SHISA9: variants seen among roughly 807,000 people sequenced by gnomAD.
The protein encoded by SHISA9 is shisa family member 9, also known as protein shisa-9.
Under a neutral mutation model 38.0 loss-of-function variants are expected in SHISA9, and 13 were observed. The ratio of observed to expected loss-of-function variants is 0.34; its 90% CI spans 0.22 to 0.54. The LOEUF is 0.54. Ranked by LOEUF, SHISA9 falls within the 20% of genes least tolerant of loss-of-function variation. The pLI is 0.91. For missense variants in SHISA9, 538 were observed against 575.8 expected (o/e 0.93, Z 0.67); for synonymous variants, 275 against 242.0 (o/e 1.14, Z -1.27).
chr16:13,150,028 A>AT (rs1387150079), intron 2 of SHISA9, among the ~76,000 whole-genome samples: 3 of 92,950 alleles, frequency 3.2e-5, no homozygotes, highest in Non-Finnish European at 4.5e-5. Context: ...CATCCTCATC[A>AT]TTAAAAAAAA....
chr16:12,945,752 T>A (rs994010024), intron 2 of SHISA9, among the ~76,000 whole-genome samples: 1 of 152,244 alleles, frequency 6.6e-6, no homozygotes, highest in African/African-American at 2.4e-5. Flanking sequence ...GTACTTGGCT[T>A]ATAATAAGAA....
the SHISA9 span, among the ~76,000 whole-genome samples, chr16:13,300,654 T>C: frequency 6.6e-6 from 1 of 152,128 alleles, no homozygotes; most frequent in East Asian, 1.9e-4. Flanking sequence ...CCCAGGGAAT[T>C]CTATTTGGAA....
At chr16:13,560,058 G>C in the SHISA9 span, among the ~76,000 whole-genome samples, 2 of 152,232 alleles carry the variant, frequency 1.3e-5, no homozygotes, top group African/African-American at 4.8e-5. Flanking sequence ...ATTGACTTGG[G>C]CAACAGAGAA....
intron 1 of SHISA9, among the ~76,000 whole-genome samples, chr16:12,913,072 A>G (rs1352144095): frequency 6.6e-6 from 1 of 152,148 alleles, no homozygotes; most frequent in Admixed American, 6.5e-5. Flanking sequence ...AAAAAAAAGT[A>G]TACAGTTCAG....
the SHISA9 span, among the ~76,000 whole-genome samples, chr16:13,561,520 G>C: frequency 6.6e-6 from 1 of 152,176 alleles, no homozygotes; most frequent in South Asian, 2.1e-4. Context: ...AGGAGGGAGA[G>C]GGTTTACAGC....
At chr16:13,187,860 G>A in intron 2 of SHISA9, among the ~76,000 whole-genome samples, 1 of 152,178 alleles carries the variant, frequency 6.6e-6, no homozygotes, top group East Asian at 1.9e-4. Flanking sequence ...ACCATGTGCA[G>A]CTTCAACCTA....
At chr16:13,389,629 C>G in the SHISA9 span, among the ~76,000 whole-genome samples, 928 of 152,250 alleles carry the variant, frequency 6.1e-3, 15 homozygotes, top group African/African-American at 0.022. Context: ...GGGATCATAG[C>G]ATGGAATCAG....
chr16:13,461,819 T>C, the SHISA9 span, among the ~76,000 whole-genome samples: 4 of 151,668 alleles, frequency 2.6e-5, no homozygotes, highest in Non-Finnish European at 2.9e-5. Flanking sequence ...TTCACCGTGT[T>C]AGCCAGGATG....
chr16:13,253,814 C>T, the SHISA9 span, among the ~76,000 whole-genome samples: 1 of 152,024 alleles, frequency 6.6e-6, no homozygotes, highest in Non-Finnish European at 1.5e-5. Context: ...ATGAAACGTC[C>T]CCATAAGGTC....
intron 2 of SHISA9, among the ~76,000 whole-genome samples, chr16:13,042,136 T>C (rs2073139109): frequency 6.6e-6 from 1 of 152,168 alleles, no homozygotes; most frequent in South Asian, 2.1e-4. Context: ...TGCCAAGCTG[T>C]TCCCTGATCT....
At chr16:13,446,662 T>C in the SHISA9 span, among the ~76,000 whole-genome samples, 1 of 152,068 alleles carries the variant, frequency 6.6e-6, no homozygotes, top group South Asian at 2.1e-4. Context: ...TGTGTGTTTC[T>C]GGTTGTGGGA....
the SHISA9 span, among the ~76,000 whole-genome samples, chr16:13,469,358 G>GAAAGAAAGAAAGAAAA: frequency 1.5e-5 from 1 of 67,516 alleles, no homozygotes; most frequent in African/African-American, 6.1e-5. Context: ...AAGAAAGAAA[G>GAAAGAAAGAAAGAAAA]AAAAGAAAAA....
At chr16:13,207,269 G>A (rs2051074270) in intron 3 of SHISA9, among the ~76,000 whole-genome samples, 1 of 152,172 alleles carries the variant, frequency 6.6e-6, no homozygotes, top group Non-Finnish European at 1.5e-5. Context: ...GAAAATAGCA[G>A]AGGGATATTC....
At chr16:13,055,076 C>T (rs1445926868) in intron 2 of SHISA9, among the ~76,000 whole-genome samples, 1 of 152,084 alleles carries the variant, frequency 6.6e-6, no homozygotes, top group Non-Finnish European at 1.5e-5. Context: ...AGGCCTTCTC[C>T]TAATTTGGCC....
intron 2 of SHISA9, among the ~76,000 whole-genome samples, chr16:12,959,566 A>G (rs1204459482): frequency 6.6e-6 from 1 of 151,892 alleles, no homozygotes; most frequent in Non-Finnish European, 1.5e-5. Flanking sequence ...CAGAGCTCAG[A>G]CTTGAGACAC....
the SHISA9 span, among the ~76,000 whole-genome samples, chr16:13,295,295 C>A: frequency 4.1e-4 from 62 of 152,100 alleles, no homozygotes; most frequent in Admixed American, 9.2e-4. Flanking sequence ...TATTTGGGAC[C>A]ATTATCTGAC....
chr16:13,084,281 C>T (rs1349684261), intron 2 of SHISA9, among the ~76,000 whole-genome samples: 1 of 152,174 alleles, frequency 6.6e-6, no homozygotes, highest in Non-Finnish European at 1.5e-5. Context: ...CATTCTGCTG[C>T]TTCTTTTTGA....
chr16:13,151,024 T>C (rs925692388), intron 2 of SHISA9, among the ~76,000 whole-genome samples: 7 of 152,230 alleles, frequency 4.6e-5, no homozygotes, highest in South Asian at 2.1e-4. Flanking sequence ...TTCACTTTCA[T>C]AGGGGTTTTC....
intron 4 of SHISA9, among the ~76,000 whole-genome samples, chr16:13,226,845 C>T (rs2051284375): frequency 1.3e-5 from 2 of 152,166 alleles, no homozygotes; most frequent in East Asian, 1.9e-4. Context: ...GGGATCCCTT[C>T]TTCACATGGA....
Sources: gnomAD v4.1 joint callset for allele counts (sites outside exome capture counted in the v4.1 genomes callset) on GRCh38, gnomAD v4.1.1 for gene constraint, MANE v1.5 for transcripts, NCBI Gene and HGNC (gene_info 2026-07-23, HGNC 2026-07-21) for gene names.